The following ECT2 variants were observed in gnomAD, a reference collection of about 807,000 sequenced individuals.
The protein encoded by ECT2 is epithelial cell transforming 2, also known as protein ECT2.
Under a neutral mutation model 116.9 loss-of-function variants are expected in ECT2, and 61 were observed. The ratio of observed to expected loss-of-function variants is 0.52; its 90% confidence interval spans 0.42 to 0.65. The LOEUF (loss-of-function observed/expected upper bound fraction) is 0.65. Among genes scored for constraint, ECT2 ranks in the 30% least tolerant of loss-of-function variants. The probability of loss-of-function intolerance (pLI) is 0.00; values close to 1 mark genes in which losing one functional copy is unlikely to be tolerated. For synonymous variants in ECT2, 358 were observed against 346.4 expected (o/e 1.03, Z -0.37); for missense variants, 937 against 1,078.7 (o/e 0.87, Z 1.84).
At chr3:172,764,199 T>C in intron 11 of ECT2, 79 bp from the exon 12 acceptor site, 1 of 1,261,310 alleles carries the variant, frequency 7.9e-7, no homozygotes, top group Non-Finnish European at 1.1e-6. Flanking sequence ...CTGTCAGACT[T>C]GTAAATATAT....
rs1213383353 is a variant in ECT2, at chr3:172,777,849, A to G, written c.1548+3827A>G. Among the ~76,000 whole-genome samples, 3 of 152,208 alleles carry G rather than the reference A, an allele frequency of 2.0e-5. No homozygotes were observed. In the South Asian group the frequency reaches 6.2e-4, roughly 31 times the overall value. On this transcript the variant is annotated intron_variant, in intron 14 of 24. Transcript: ENST00000392692. ...AGGAGGCAGAGGTTGCAGTGAGTCA[A>G]GATCATGCCACTACACTCCAGCCTG...
chr3:172,751,501 G>A (rs1715818520), intron 1 of ECT2, among the ~76,000 whole-genome samples: 3 of 152,134 alleles, frequency 2.0e-5, no homozygotes, highest in African/African-American at 7.2e-5. Context: ...TGCCTCTTAG[G>A]ATTACTGCAG....
rs192944111 is a variant in ECT2, at chr3:172,788,434, C to T, written c.1907+1860C>T. On this transcript the variant is annotated intron_variant, in intron 18 of 24. Transcript: ENST00000392692. The stretch of plus-strand genomic sequence containing the variant: ...ATTAATTTCAGCACACATATGCTCC[C>T]ATGAAACCATCACCACAATCAAGAT... 7.0e-4 allele frequency among the ~76,000 whole-genome samples: 106 copies of T among 152,294 alleles called. No homozygotes were observed. In the Middle Eastern group the frequency reaches 0.02, roughly 29 times the overall value.
At chr3:172,763,030 C>A in intron 11 of ECT2, 58 bp downstream of exon 11, 1 of 1,556,384 alleles carries the variant, frequency 6.4e-7, no homozygotes, top group Non-Finnish European at 8.8e-7. Flanking sequence ...GAAAATAACA[C>A]TTTTCTGTCC....
intron 15 of ECT2, 122 bp downstream of exon 15, chr3:172,782,353 T>G (rs1253470411): frequency 6.3e-6 from 3 of 479,152 alleles, no homozygotes; most frequent in Non-Finnish European, 1.1e-5. Flanking sequence ...TGATTGTGTT[T>G]ATAAAATACA....
At position 172,788,973 on chromosome 3, in the gene ECT2, G is replaced by A. The variant is rs141209076; in HGVS notation, c.1907+2399G>A. Among the ~76,000 whole-genome samples, 397 of 150,288 alleles carry A rather than the reference G, an allele frequency of 2.6e-3. 1 individual carries two copies. Among genetic ancestry groups the A allele is most frequent in the African/African-American group, 9.2e-3 (378 of 40,968 alleles). On this transcript the variant is annotated intron_variant, in intron 18 of 24. Coordinates refer to ENST00000392692, the MANE Select transcript of ECT2 (RefSeq NM_001258315.2). The stretch of plus-strand genomic sequence containing the variant: ...CTTGGGAGGCTGAGGCATGAGAATC[G>A]CTGGAACCCGGGATGTGGAGGTTGC...
rs913349987 is a variant in ECT2 at position 172,793,958 on chromosome 3, T to C, written c.1907+7384T>C. 5.9e-5 allele frequency among the ~76,000 whole-genome samples: 9 copies of C among 152,316 alleles called. No homozygotes were observed. In the East Asian group the frequency reaches 1.7e-3, roughly 29 times the overall value. The stretch of plus-strand genomic sequence containing the variant: ...AAAAAAAATTGTGTTTTTTTTGTAA[T>C]TGAATTTTGAGAGTTCTTTATATAT... On this transcript the variant is annotated intron_variant, in intron 18 of 24. Coordinates refer to ENST00000392692, the MANE Select transcript of ECT2 (RefSeq NM_001258315.2).
chr3:172,764,543 A>G lies in ECT2; in HGVS notation c.1291+43A>G, dbSNP rs780864844. 1.2e-5 allele frequency: 19 copies of G among 1,529,936 alleles called. No homozygotes were observed. The Admixed American group carries it at 2.7e-4, about 22-fold the overall frequency. The allele number at this position is 1,529,936 out of a possible 1,614,324, so 94.8% of individuals were successfully genotyped here. The stretch of plus-strand genomic sequence containing the variant: ...AAACTTGTCTTTAAAGTTTAGTGGA[A>G]TGGAATAATTGTTAGAATTTAGATA... On this transcript the variant is annotated intron_variant, in intron 12 of 24. Transcript: ENST00000392692.
rs780132969 is a variant in ECT2 at position 172,762,768 on chromosome 3, T to G, written c.967T>G (p.Phe323Val). The G allele has an allele frequency of 1.2e-6, 2 of 1,613,038 alleles. No homozygotes were observed. The highest frequency in any genetic ancestry group is 2.2e-5 in the South Asian group (2 of 90,748). ...VEENIVKDLP[F>V]EPSKKLYVVK... ...AGAGAATATAGTAAAAGATCTTCCC[T>G]TTGAACCTTCAAAGAAACTTTATGT... Residue 323 changes from phenylalanine (F) to valine (V), a missense_variant, in exon 10 of 25, where the codon TTT (phenylalanine) becomes GTT (valine). By Grantham distance (50) the Phe-to-Val change is conservative. Transcript: ENST00000392692.
At chr3:172,769,243 G>A in intron 13 of ECT2, 100 bp downstream of exon 13, 1 of 1,176,878 alleles carries the variant, frequency 8.5e-7, no homozygotes, top group Non-Finnish European at 1.2e-6. Flanking sequence ...TATAAACATA[G>A]TATTTGAACA....
chr3:172,805,938 C>T, intron 21 of ECT2, 69 bp downstream of exon 21: 1 of 1,515,234 alleles, frequency 6.6e-7, no homozygotes, highest in South Asian at 1.3e-5. Flanking sequence ...TAATTTACTC[C>T]ATTTTGGCTT....
chr3:172,797,029 T>TGG (rs1725789997), intron 18 of ECT2, among the ~76,000 whole-genome samples: 1 of 149,232 alleles, frequency 6.7e-6, no homozygotes, highest in Non-Finnish European at 1.5e-5. Context: ...TGTGTGTGTG[T>TGG]GTGTGTGTGT....
intron 11 of ECT2, among the ~76,000 whole-genome samples, chr3:172,763,218 A>G (rs1718687699): frequency 6.6e-6 from 1 of 152,222 alleles, no homozygotes; most frequent in African/African-American, 2.4e-5. Flanking sequence ...GAACATCTCT[A>G]TCTTCAGAAA....
At chr3:172,823,385 TA>T (rs769265801), downstream of ECT2, among the ~76,000 whole-genome samples, 36 of 152,278 alleles carry the variant, frequency 2.4e-4, no homozygotes, top group South Asian at 8.3e-4. Context: ...CTATCAACCT[TA>T]AAAGAGAAAG....
chr3:172,828,744 A>T, the ECT2 span: 1 of 554,120 alleles, frequency 1.8e-6, no homozygotes, highest in South Asian at 2.0e-5. Flanking sequence ...CGTGGCGAAG[A>T]GGATGAGGAA....
intron 4 of ECT2, among the ~76,000 whole-genome samples, chr3:172,756,549 T>C (rs1164371446): frequency 6.6e-6 from 1 of 152,196 alleles, no homozygotes; most frequent in Non-Finnish European, 1.5e-5. Flanking sequence ...TTTCTGAAGA[T>C]AGTTAATTTG....
In ECT2 at chr3:172,754,611, T is replaced by C; in HGVS notation, c.81T>C (p.Thr27=). The change falls in exon 2 of 25, where the codon ACT becomes ACC. Residue 27 remains threonine, a synonymous_variant. Coordinates refer to ENST00000392692, the MANE Select transcript of ECT2 (RefSeq NM_001258315.2). The stretch of plus-strand genomic sequence containing the variant: ...CTTCCATTTTTGATTCTAAAGTTAC[T>C]GAGATTTCCAAGGAAAACTTACTTA... ...ADSSIFDSKV[T]EISKENLLIG... 1 of 1,612,182 alleles carries C rather than the reference T, an allele frequency of 6.2e-7. No homozygotes were observed. Among genetic ancestry groups the C allele is most frequent in the Non-Finnish European group, 8.5e-7 (1 of 1,178,806 alleles).
At chr3:172,779,222 A>C (rs1335600362) in intron 14 of ECT2, among the ~76,000 whole-genome samples, 1 of 152,206 alleles carries the variant, frequency 6.6e-6, no homozygotes, top group East Asian at 1.9e-4. Flanking sequence ...AAACCTCAGT[A>C]GTCAGTGCCA....
rs551437380 is a variant in ECT2 at position 172,788,842 on chromosome 3, G to A, written c.1907+2268G>A. Among the ~76,000 whole-genome samples, 151 of 152,118 alleles carry A rather than the reference G, an allele frequency of 9.9e-4. 1 individual carries two copies. Among genetic ancestry groups the A allele is most frequent in the African/African-American group, 3.5e-3 (146 of 41,496 alleles). ...TGGGAGGCTGAGGCGGGTGGATCAC[G>A]AGGTCAGGAGTTCGAGACCAGCCTG... is the stretch of plus-strand genomic sequence containing the variant. On this transcript the variant is annotated intron_variant, in intron 18 of 24. Coordinates refer to ENST00000392692, the MANE Select transcript of ECT2 (RefSeq NM_001258315.2).
Sources: allele counts gnomAD v4.1 joint callset (sites outside exome capture counted in the v4.1 genomes callset), GRCh38; gene constraint gnomAD v4.1.1; transcripts MANE v1.5; gene names NCBI Gene and HGNC (gene_info 2026-07-23, HGNC 2026-07-21).